TRIM9: variants seen among roughly 807,000 people sequenced by gnomAD.
TRIM9 encodes E3 ubiquitin-protein ligase TRIM9.
Under a neutral mutation model 78.3 loss-of-function variants are expected in TRIM9, and 26 were observed. The ratio of observed to expected loss-of-function variants is 0.33; its 90% CI spans 0.24 to 0.46. The LOEUF is 0.46. Ranked by LOEUF, TRIM9 falls within the 20% of genes least tolerant of loss-of-function variation. The probability of loss-of-function intolerance (pLI) is 1.00; values close to 1 mark genes in which losing one functional copy is unlikely to be tolerated. For missense variants in TRIM9, 787 were observed against 1,036.4 expected (o/e 0.76, Z 3.30); for synonymous variants, 398 against 416.5 (o/e 0.96, Z 0.54).
In TRIM9 at chr14:51,023,140, T is replaced by C. The variant is rs1045205965; in HGVS notation, c.919-183A>G. On this transcript the variant is annotated intron_variant, in intron 2 of 12. Transcript: ENST00000684578. ...TACAGTGGTCATGTTTTGCTTTAAA[T>C]TTAGATTAAAAGGGATAAATATTTA... Among the ~76,000 whole-genome samples, 15 of 152,306 alleles carry C rather than the reference T, an allele frequency of 9.8e-5. No homozygotes were observed. The highest frequency in any genetic ancestry group is 3.4e-3 in the Middle Eastern group (1 of 294).
chr14:51,018,071 T>G (rs1049418757), intron 3 of TRIM9, among the ~76,000 whole-genome samples: 6 of 152,206 alleles, frequency 3.9e-5, no homozygotes, highest in Non-Finnish European at 8.8e-5. Flanking sequence ...CTGAGGGCAG[T>G]TGAAAGCTTC....
At chr14:51,002,123 G>A (rs917225036) in intron 5 of TRIM9, among the ~76,000 whole-genome samples, 1 of 141,782 alleles carries the variant, frequency 7.1e-6, no homozygotes, top group African/African-American at 2.8e-5. Context: ...GTGTGTGTGT[G>A]TGTTTTTCTT....
At chr14:51,058,707 C>T (rs553341542) in intron 1 of TRIM9, among the ~76,000 whole-genome samples, 3 of 152,154 alleles carry the variant, frequency 2.0e-5, no homozygotes, top group Non-Finnish European at 2.9e-5. Flanking sequence ...CTGTCTTTTA[C>T]GTGAAAGAAA....
At chr14:51,011,890 A>G (rs2056621278) in intron 3 of TRIM9, among the ~76,000 whole-genome samples, 1 of 152,216 alleles carries the variant, frequency 6.6e-6, no homozygotes, top group Non-Finnish European at 1.5e-5. Context: ...ACTGTATCAC[A>G]GGCAGTTTTC....
intron 1 of TRIM9, among the ~76,000 whole-genome samples, chr14:51,027,473 T>G (rs959624003): frequency 6.6e-6 from 1 of 151,386 alleles, no homozygotes; most frequent in African/African-American, 2.4e-5. Flanking sequence ...TTTTCTTCAT[T>G]CTTGCTCACA....
intron 5 of TRIM9, 70 bp from the exon 6 acceptor site, chr14:51,000,910 C>T (rs1229403539): frequency 6.3e-7 from 1 of 1,577,012 alleles, no homozygotes; most frequent in East Asian, 2.2e-5. Context: ...GAATGACAAG[C>T]ATCCCCCTGA....
intron 5 of TRIM9, among the ~76,000 whole-genome samples, chr14:51,001,736 A>G (rs2055077825): frequency 6.6e-6 from 1 of 151,570 alleles, no homozygotes; most frequent in African/African-American, 2.4e-5. Flanking sequence ...TCCAAGTGAG[A>G]TCACAGTGAT....
chr14:51,072,003 A>G (rs1373783662), intron 1 of TRIM9, among the ~76,000 whole-genome samples: 2 of 152,072 alleles, frequency 1.3e-5, no homozygotes. Flanking sequence ...AGCACAAGGG[A>G]AGTAGAAGGC....
At chr14:51,016,480 C>G (rs552233518) in intron 3 of TRIM9, among the ~76,000 whole-genome samples, 1 of 150,090 alleles carries the variant, frequency 6.7e-6, no homozygotes, top group African/African-American at 2.4e-5. Flanking sequence ...CCCTACCCCC[C>G]TGCAGCTCTC....
chr14:51,014,712 T>A (rs976875132), intron 3 of TRIM9, among the ~76,000 whole-genome samples: 4 of 152,230 alleles, frequency 2.6e-5, no homozygotes, highest in Non-Finnish European at 5.9e-5. Context: ...GCGTTACTCA[T>A]ACCACATTTT....
At chr14:51,068,497 C>T (rs1019665628) in intron 1 of TRIM9, among the ~76,000 whole-genome samples, 3 of 152,114 alleles carry the variant, frequency 2.0e-5, no homozygotes, top group Non-Finnish European at 4.4e-5. Context: ...CTGCAACGTG[C>T]CAAGTACTTT....
intron 5 of TRIM9, among the ~76,000 whole-genome samples, chr14:51,005,518 T>C (rs1010441651): frequency 5.9e-5 from 9 of 152,184 alleles, no homozygotes; most frequent in African/African-American, 2.2e-4. Context: ...TTAATATTTA[T>C]TGGGGGAGGA....
At chr14:51,052,798 A>G (rs2060537201) in intron 1 of TRIM9, among the ~76,000 whole-genome samples, 1 of 152,150 alleles carries the variant, frequency 6.6e-6, no homozygotes, top group African/African-American at 2.4e-5. Context: ...AGAGTTTGGT[A>G]GGTCTCCTCA....
intron 12 of TRIM9, among the ~76,000 whole-genome samples, chr14:50,978,612 A>T (rs1339873262): frequency 6.6e-6 from 1 of 152,062 alleles, no homozygotes; most frequent in African/African-American, 2.4e-5. Context: ...CTTCCCAACC[A>T]CACCACTCAT....
intron 1 of TRIM9, among the ~76,000 whole-genome samples, chr14:51,061,822 T>A (rs1220835432): frequency 6.6e-6 from 1 of 152,244 alleles, no homozygotes; most frequent in African/African-American, 2.4e-5. Flanking sequence ...ATCTGTGAGT[T>A]GAAGTAACTC....
At chr14:51,034,998 G>A (rs937061302) in intron 1 of TRIM9, among the ~76,000 whole-genome samples, 3 of 152,158 alleles carry the variant, frequency 2.0e-5, no homozygotes, top group African/African-American at 7.2e-5. Context: ...AAAGGGGGTA[G>A]TAACATATTT....
At position 50,979,372 on chromosome 14, in the gene TRIM9, G is replaced by A. The variant is rs758008074; in HGVS notation, c.2325+15C>T. On this transcript the variant is annotated intron_variant, in intron 12 of 12. Coordinates refer to ENST00000684578, the MANE Select transcript of TRIM9 (RefSeq NM_001387360.1). ...GCCAGCAACAGCTGTTTAACCTCAG[G>A]GGCAGGGTGCTTACCTGCACGTTCC... 6.2e-7 allele frequency: 1 copy of A among 1,614,170 alleles called. No homozygotes were observed. The highest frequency in any genetic ancestry group is 8.5e-7 in the Non-Finnish European group (1 of 1,180,036).
rs2058905144 is a variant in TRIM9 at position 51,033,514 on chromosome 14, A to T, written c.823-8154T>A. Among the ~76,000 whole-genome samples the T allele has an allele frequency of 2.0e-5, 3 of 152,220 alleles. No individual in the cohort carries two copies. In the South Asian group the frequency reaches 6.2e-4, roughly 32 times the overall value. ...TACAATTATTCAAACAGTGGGGTAG[A>T]CTGTAGTATCGTTCAGAACAATTTG... On this transcript the variant is annotated intron_variant, in intron 1 of 12. Coordinates refer to ENST00000684578, the MANE Select transcript of TRIM9 (RefSeq NM_001387360.1).
chr14:51,021,793 A>G (rs879894450), intron 3 of TRIM9, among the ~76,000 whole-genome samples: 1 of 152,138 alleles, frequency 6.6e-6, no homozygotes, highest in Non-Finnish European at 1.5e-5. Flanking sequence ...CCCTGCACCA[A>G]TGGGGTGATA....
Sources: allele counts gnomAD v4.1 joint callset (sites outside exome capture counted in the v4.1 genomes callset), GRCh38; gene constraint gnomAD v4.1.1; transcripts MANE v1.5; gene names NCBI Gene and HGNC (gene_info 2026-07-23, HGNC 2026-07-21).